The following SETD9 variants were observed in gnomAD, a reference collection of about 807,000 sequenced individuals.
SETD9 encodes SET domain-containing protein 9.
A neutral mutation model predicts 36.4 loss-of-function variants in SETD9; 37 were observed. The ratio of observed to expected loss-of-function variants is 1.02; its 90% CI spans 0.78 to 1.34. The LOEUF (loss-of-function observed/expected upper bound fraction) is 1.34. Among genes scored for constraint, SETD9 ranks in the 40% most tolerant of loss-of-function variants. The pLI, the probability that SETD9 is intolerant of heterozygous loss-of-function variation, is 0.00. For missense variants in SETD9, 323 were observed against 353.2 expected (o/e 0.91, Z 0.69); for synonymous variants, 128 against 132.9 (o/e 0.96, Z 0.26).
chr5:56,909,596 C>T lies in SETD9; in HGVS notation c.-50C>T, dbSNP rs1297128149. On this transcript the variant is annotated 5_prime_UTR_variant, in exon 1 of 6. Coordinates refer to ENST00000285947, the MANE Select transcript of SETD9 (RefSeq NM_153706.4). ...TCCCGGGCCGGGGCGGGCCCGAGGC[C>T]TCGATCCGCCTTCCCCGCGCCGTCC... The T allele has an allele frequency of 1.3e-6, 2 of 1,501,384 alleles. No individual in the cohort carries two copies. Among genetic ancestry groups the T allele is most frequent in the Non-Finnish European group, 1.8e-6 (2 of 1,112,022 alleles). The allele number at this position is 1,501,384 out of a possible 1,614,324, so 93.0% of individuals were successfully genotyped here. A position where few individuals can be genotyped will look rare whatever the true frequency, so the allele number is the denominator to read the frequency against.
At chr5:56,918,604 A>G (rs140563253), downstream of SETD9, among the ~76,000 whole-genome samples, 25 of 152,178 alleles carry the variant, frequency 1.6e-4, no homozygotes, top group African/African-American at 4.3e-4. Context: ...TGTATTCGGA[A>G]TATGTGTGCT....
intron 5 of SETD9, among the ~76,000 whole-genome samples, chr5:56,916,307 G>A (rs929628691): frequency 1.3e-5 from 2 of 151,610 alleles, no homozygotes; most frequent in African/African-American, 4.8e-5. Context: ...CAGGAGAATC[G>A]CTTGAACCCG....
exon 6 of SETD9, chr5:56,925,409 AG>A: frequency 2.3e-6 from 1 of 438,864 alleles, no homozygotes; most frequent in Non-Finnish European, 4.5e-6. Flanking sequence ...CTTACAGCAA[AG>A]TTTCAGGAGA....
At chr5:56,911,018 C>A in intron 1 of SETD9, 151 bp from the exon 2 acceptor site, 1 of 871,114 alleles carries the variant, frequency 1.1e-6, no homozygotes, top group South Asian at 2.4e-5. Context: ...AGAACTCCCT[C>A]AAACAATTCT....
rs774505823 is a variant in SETD9 at position 56,911,352 on chromosome 5, T to C, written c.282T>C (p.His94=). The C allele has an allele frequency of 1.9e-6, 3 of 1,612,086 alleles. No homozygotes were observed. Among genetic ancestry groups the C allele is most frequent in the Non-Finnish European group, 2.5e-6 (3 of 1,179,312 alleles). ...SKYQDLLAVE[H]QGVKLLENRH... Reference sequence around the variant, plus strand: ...ATCAAGACCTACTGGCAGTTGAACATCAAGGGGTGAAACTGCTTGAAAACA... The same window carrying C: ...ATCAAGACCTACTGGCAGTTGAACACCAAGGGGTGAAACTGCTTGAAAACA... The change falls in exon 2 of 6, where the codon CAT becomes CAC. Residue 94 remains histidine, a synonymous_variant. Transcript: ENST00000285947.
At chr5:56,919,627 G>A (rs1300144087), downstream of SETD9, 1 of 152,402 alleles carries the variant, frequency 6.6e-6, no homozygotes, top group Non-Finnish European at 1.5e-5. Flanking sequence ...TTTTATTTCT[G>A]GAACTGTACA....
chr5:56,925,299 G>A (rs1337040874), intron 5 of SETD9: 1 of 453,628 alleles, frequency 2.2e-6, no homozygotes, highest in Non-Finnish European at 4.4e-6. Flanking sequence ...TATACAGATT[G>A]GGAAGGAAGA....
chr5:56,917,573 T>A (rs145321946), downstream of SETD9, among the ~76,000 whole-genome samples: 28 of 152,334 alleles, frequency 1.8e-4, no homozygotes, highest in African/African-American at 6.3e-4. Flanking sequence ...CTCCACCCAC[T>A]GGAGGGAGAT....
At chr5:56,910,563 C>T in intron 1 of SETD9, 1 of 393,948 alleles carries the variant, frequency 2.5e-6, no homozygotes, top group Non-Finnish European at 4.6e-6. Flanking sequence ...TATCATGACT[C>T]GGAACCGTGA....
downstream of SETD9, chr5:56,920,634 A>C (rs979524343): frequency 2.9e-4 from 44 of 152,450 alleles, no homozygotes; most frequent in Admixed American, 5.2e-4. Flanking sequence ...GAAAAAAAAA[A>C]CCCAGTAAAT....
At chr5:56,911,630 A>G in intron 2 of SETD9, 94 bp downstream of exon 2, 1 of 1,318,426 alleles carries the variant, frequency 7.6e-7, no homozygotes, top group African/African-American at 1.5e-5. Flanking sequence ...TCCTTAGAGT[A>G]AGGGATTAAA....
At chr5:56,909,978 G>C in intron 1 of SETD9, 2 of 1,286,382 alleles carry the variant, frequency 1.6e-6, no homozygotes, top group South Asian at 3.2e-5. Context: ...TCCGAGGCCC[G>C]CTGGAAGCCT....
At chr5:56,909,826 G>C in intron 1 of SETD9, 83 bp downstream of exon 1, 1 of 1,264,104 alleles carries the variant, frequency 7.9e-7, no homozygotes, top group Admixed American at 2.2e-5. Flanking sequence ...AAAGCGGAGA[G>C]CCTGAGGCTG....
downstream of SETD9, chr5:56,920,393 C>A (rs1471732656): frequency 1.3e-5 from 2 of 152,590 alleles, no homozygotes; most frequent in Non-Finnish European, 2.9e-5. Flanking sequence ...TCAGCCAACA[C>A]TGCAACTGCT....
intron 1 of SETD9, 111 bp from the exon 2 acceptor site, chr5:56,911,058 C>CGT: frequency 1.6e-6 from 2 of 1,274,294 alleles, no homozygotes; most frequent in Non-Finnish European, 2.1e-6. Context: ...GCCCTCCACA[C>CGT]ACATGAGAAT....
chr5:56,922,582 G>T (rs1451519804), intron 5 of SETD9: 1 of 153,844 alleles, frequency 6.5e-6, no homozygotes, highest in African/African-American at 2.4e-5. Context: ...TTGCATGTTT[G>T]TGCAGTTTAA....
chr5:56,913,830 T>C (rs1428756152), intron 3 of SETD9, 44 bp from the exon 4 acceptor site: 2 of 1,221,796 alleles, frequency 1.6e-6, no homozygotes, highest in African/African-American at 2.9e-5. Flanking sequence ...TAGGATTCTA[T>C]TTTAAGATAC....
At chr5:56,927,830 G>C (rs1750069703), downstream of SETD9, 1 of 152,144 alleles carries the variant, frequency 6.6e-6, no homozygotes, top group Non-Finnish European at 1.5e-5. Context: ...ATCATACAGG[G>C]TAGTTTCATT....
chr5:56,916,757 A>G, intron 5 of SETD9, 58 bp from the exon 6 acceptor site: 1 of 1,560,958 alleles, frequency 6.4e-7, no homozygotes, highest in African/African-American at 1.4e-5. Flanking sequence ...TGGTTATATT[A>G]AAAATATGAG....
Sources: allele counts gnomAD v4.1 joint callset (sites outside exome capture counted in the v4.1 genomes callset), GRCh38; gene constraint gnomAD v4.1.1; transcripts MANE v1.5; gene names NCBI Gene and HGNC (gene_info 2026-07-23, HGNC 2026-07-21).